The following AFG1L variants were observed in gnomAD, a reference collection of about 807,000 sequenced individuals.
AFG1L encodes AFG1 like ATPase.
Under a neutral mutation model 62.2 loss-of-function variants are expected in AFG1L, and 53 were observed. The observed-to-expected ratio is 0.85, with a 90% CI of 0.68 to 1.07. The LOEUF (loss-of-function observed/expected upper bound fraction) is 1.07, where lower values mean the gene tolerates loss of function less well. AFG1L is among the 50% of genes least tolerant of loss of function. The probability of loss-of-function intolerance (pLI) is 0.00; values close to 1 mark genes in which losing one functional copy is unlikely to be tolerated. For missense variants in AFG1L, 555 were observed against 590.5 expected, an observed-to-expected ratio of 0.94 and a Z score of 0.62; for synonymous variants, 228 against 210.3, an observed-to-expected ratio of 1.08 and a Z score of -0.73.
intron 7 of AFG1L, among the ~76,000 whole-genome samples, chr6:108,416,171 A>C (rs2114674058): frequency 6.6e-6 from 1 of 152,376 alleles, no homozygotes; most frequent in East Asian, 1.9e-4. Context: ...ACATGAAAAA[A>C]TGCTCATCAT....
At chr6:108,384,326 T>C (rs1481364909) in intron 6 of AFG1L, among the ~76,000 whole-genome samples, 1 of 152,196 alleles carries the variant, frequency 6.6e-6, no homozygotes, top group African/African-American at 2.4e-5. Context: ...TGAGGTTCTG[T>C]GTGTAACCCC....
At chr6:108,509,158 G>GT (rs1194650836) in intron 10 of AFG1L, among the ~76,000 whole-genome samples, 2 of 152,208 alleles carry the variant, frequency 1.3e-5, no homozygotes, top group Non-Finnish European at 2.9e-5. Context: ...CAAAGAATGT[G>GT]TTTGCAGATT....
intron 1 of AFG1L, among the ~76,000 whole-genome samples, chr6:108,321,311 C>G (rs933667008): frequency 1.3e-5 from 2 of 152,154 alleles, no homozygotes; most frequent in Non-Finnish European, 2.9e-5. Flanking sequence ...TTCAGGGAGC[C>G]CAGTAGAAGA....
chr6:108,429,355 G>A (rs1770965315), intron 7 of AFG1L, among the ~76,000 whole-genome samples: 1 of 152,136 alleles, frequency 6.6e-6, no homozygotes, highest in Non-Finnish European at 1.5e-5. Flanking sequence ...ATGGTGCCAG[G>A]CAAGAAGAAC....
intron 7 of AFG1L, among the ~76,000 whole-genome samples, chr6:108,446,823 C>T (rs145189011): frequency 6.4e-4 from 98 of 152,038 alleles, no homozygotes; most frequent in Non-Finnish European, 1.1e-3. Flanking sequence ...CTTATGCTGC[C>T]TCTGCCCTCC....
At position 108,295,147 on chromosome 6, in the gene AFG1L, G is replaced by T. The variant is rs778523640; in HGVS notation, c.68G>T (p.Cys23Phe). ...PLAQSPLRGR[C>F]VGCGAWAAAL... ...GCACAGAGCCCGCTGAGAGGGAGAT[G>T]TGTTGGGTGCGGGGCCTGGGCCGCC... Residue 23 changes from cysteine (C) to phenylalanine (F), a missense_variant, in exon 1 of 13, where the codon TGT becomes TTT. Cys to Phe is a radical substitution (Grantham distance 205). Transcript: ENST00000368977. The T allele has an allele frequency of 1.9e-6, 3 of 1,610,588 alleles. No individual in the cohort carries two copies. The Admixed American group carries it at 5.0e-5, about 27-fold the overall frequency.
chr6:108,395,227 T>C (rs528207567), intron 6 of AFG1L, among the ~76,000 whole-genome samples: 8 of 152,264 alleles, frequency 5.3e-5, no homozygotes, highest in African/African-American at 1.9e-4. Context: ...AATGACCATA[T>C]TTTATTTCCA....
At chr6:108,397,223 GT>G (rs1230702536) in intron 6 of AFG1L, among the ~76,000 whole-genome samples, 2 of 152,164 alleles carry the variant, frequency 1.3e-5, no homozygotes, top group Non-Finnish European at 1.5e-5. Context: ...CACCTTCTGG[GT>G]TCAAGCGATT....
At chr6:108,315,721 C>G (rs1777564407) in intron 1 of AFG1L, among the ~76,000 whole-genome samples, 1 of 152,192 alleles carries the variant, frequency 6.6e-6, no homozygotes, top group Non-Finnish European at 1.5e-5. Flanking sequence ...CAGGCATGAG[C>G]CACTGTGCCC....
chr6:108,436,433 G>A (rs189707759), intron 7 of AFG1L, among the ~76,000 whole-genome samples: 206 of 151,974 alleles, frequency 1.4e-3, no homozygotes, highest in African/African-American at 4.6e-3. Context: ...GTGAGCCACC[G>A]CACCCGGCTG....
Position 108,462,840 on chromosome 6 carries a change from A to G in AFG1L, c.891-14025A>G, listed in dbSNP as rs1236844272. On this transcript the variant is annotated intron_variant, in intron 8 of 12. Transcript: ENST00000368977. ...TCTTACACGTATAAAAATACGGAAG[A>G]GGGTATTTAGATTTCCTTAGAATTT... Among the ~76,000 whole-genome samples, 3 of 152,216 alleles carry G rather than the reference A, an allele frequency of 2.0e-5. No individual in the cohort carries two copies. The East Asian group carries it at 5.8e-4, about 29-fold the overall frequency.
chr6:108,405,492 G>A (rs368147264), intron 7 of AFG1L, among the ~76,000 whole-genome samples: 28 of 152,146 alleles, frequency 1.8e-4, no homozygotes, highest in African/African-American at 5.1e-4. Context: ...GACTATAGGC[G>A]TATTCCACCA....
At chr6:108,312,959 C>A (rs1020657685) in intron 1 of AFG1L, among the ~76,000 whole-genome samples, 2 of 152,122 alleles carry the variant, frequency 1.3e-5, no homozygotes, top group Non-Finnish European at 2.9e-5. Context: ...TCTTAAGATG[C>A]AGCAGTCCAG....
chr6:108,362,424 A>G (rs1333524141), intron 5 of AFG1L, among the ~76,000 whole-genome samples: 4 of 152,062 alleles, frequency 2.6e-5, no homozygotes, highest in African/African-American at 9.7e-5. Flanking sequence ...GTGTTTTTCT[A>G]TGTGCCTGTG....
chr6:108,514,945 T>C (rs1431675707), intron 11 of AFG1L, among the ~76,000 whole-genome samples: 5 of 152,214 alleles, frequency 3.3e-5, no homozygotes, highest in Non-Finnish European at 7.3e-5. Context: ...CAAGAAGAGC[T>C]AACTCTTCTA....
intron 10 of AFG1L, among the ~76,000 whole-genome samples, chr6:108,479,030 A>C (rs2114820745): frequency 6.6e-6 from 1 of 152,340 alleles, no homozygotes; most frequent in East Asian, 1.9e-4. Flanking sequence ...CTCTTAGATT[A>C]AACAATGAAC....
chr6:108,506,606 C>T (rs977139995), intron 10 of AFG1L, among the ~76,000 whole-genome samples: 2 of 151,474 alleles, frequency 1.3e-5, no homozygotes, highest in Admixed American at 1.3e-4. Flanking sequence ...CTCCTGAGCT[C>T]GAGTGATCCA....
intron 2 of AFG1L, among the ~76,000 whole-genome samples, chr6:108,330,096 C>T (rs1003863618): frequency 6.6e-6 from 1 of 152,122 alleles, no homozygotes; most frequent in Non-Finnish European, 1.5e-5. Flanking sequence ...AGAGAGTCTT[C>T]ACCAGCAAGA....
In AFG1L at chr6:108,524,543, T is replaced by C. The variant is rs1412029668; in HGVS notation, c.*2118T>C. On this transcript the variant is annotated 3_prime_UTR_variant, in exon 13 of 13. Transcript: ENST00000368977. Reference sequence around the variant, plus strand: ...AATTCTCAGTGTAGCTTCCCTATAATGTCATTTTGGTACGAAAGAACTTAA... The same window carrying C: ...AATTCTCAGTGTAGCTTCCCTATAACGTCATTTTGGTACGAAAGAACTTAA... 2 of 152,234 alleles carry C rather than the reference T, an allele frequency of 1.3e-5. No homozygotes were observed. The highest frequency in any genetic ancestry group is 2.9e-5 in the Non-Finnish European group (2 of 68,040). The allele number at this position is 152,234 out of a possible 1,614,324, so 9.4% of individuals were successfully genotyped here.
Sources: allele counts gnomAD v4.1 joint callset (sites outside exome capture counted in the v4.1 genomes callset), GRCh38; gene constraint gnomAD v4.1.1; transcripts MANE v1.5; gene names NCBI Gene and HGNC (gene_info 2026-07-23, HGNC 2026-07-21).